The following FOXP1 variants were observed in gnomAD, a reference collection of about 807,000 sequenced individuals.
The protein encoded by FOXP1 is forkhead box P1, also known as forkhead box protein P1.
A neutral mutation model predicts 98.2 loss-of-function variants in FOXP1; 15 were observed. That is an observed-to-expected ratio of 0.15 (90% CI 0.10 to 0.24). The LOEUF (loss-of-function observed/expected upper bound fraction) is 0.24, where lower values mean the gene tolerates loss of function less well. Ranked by LOEUF, FOXP1 falls within the 10% of genes least tolerant of loss-of-function variation. FOXP1 has a pLI of 1.00. For missense variants in FOXP1, 633 were observed against 848.5 expected (o/e 0.75, Z 3.15); for synonymous variants, 371 against 314.5 (o/e 1.18, Z -1.90).
At chr3:71,553,959 G>A (rs1367319416) in intron 2 of FOXP1, among the ~76,000 whole-genome samples, 1 of 152,066 alleles carries the variant, frequency 6.6e-6, no homozygotes, top group Non-Finnish European at 1.5e-5. Context: ...TAAAATATAT[G>A]GTCACTATAA....
At chr3:71,229,439 G>A (rs778401180) in intron 5 of FOXP1, among the ~76,000 whole-genome samples, 54 of 152,102 alleles carry the variant, frequency 3.6e-4, no homozygotes, top group Non-Finnish European at 5.9e-4. Context: ...AGGAAAAAAA[G>A]GTAAAAATTC....
At chr3:71,101,932 C>T (rs1029771348) in intron 7 of FOXP1, among the ~76,000 whole-genome samples, 1 of 152,242 alleles carries the variant, frequency 6.6e-6, no homozygotes, top group African/African-American at 2.4e-5. Flanking sequence ...CTTTGCCCAA[C>T]TGTGTCCAGC....
chr3:71,101,594 T>A (rs1018408455), intron 7 of FOXP1, among the ~76,000 whole-genome samples: 26 of 150,870 alleles, frequency 1.7e-4, no homozygotes, highest in African/African-American at 5.9e-4. Context: ...GCCACTAAAT[T>A]TAGTGACAAT....
At chr3:71,146,149 T>C (rs745764939) in intron 6 of FOXP1, among the ~76,000 whole-genome samples, 1 of 152,158 alleles carries the variant, frequency 6.6e-6, no homozygotes, top group Non-Finnish European at 1.5e-5. Context: ...GGAGAAGCAG[T>C]CCCTTCAGGG....
At chr3:71,459,391 G>A (rs1169025758) in intron 3 of FOXP1, among the ~76,000 whole-genome samples, 2 of 152,186 alleles carry the variant, frequency 1.3e-5, no homozygotes, top group African/African-American at 2.4e-5. Flanking sequence ...TGAGACCCAA[G>A]AAGGGGATAC....
intron 2 of FOXP1, among the ~76,000 whole-genome samples, chr3:71,564,349 G>A (rs570267096): frequency 3.9e-5 from 6 of 152,160 alleles, no homozygotes; most frequent in Non-Finnish European, 8.8e-5. Flanking sequence ...CATATATAAA[G>A]CTCCTGTATT....
intron 6 of FOXP1, among the ~76,000 whole-genome samples, chr3:71,149,659 C>T (rs1358884770): frequency 6.6e-6 from 1 of 152,072 alleles, no homozygotes; most frequent in Non-Finnish European, 1.5e-5. Flanking sequence ...GAAGGTATAG[C>T]CGATAAATAC....
chr3:71,309,812 A>ATGGACATATC (rs1338588021), intron 4 of FOXP1, among the ~76,000 whole-genome samples: 1 of 152,086 alleles, frequency 6.6e-6, no homozygotes, highest in African/African-American at 2.4e-5. Flanking sequence ...CATGATAAAA[A>ATGGACATATC]TGTTCTCACA....
At chr3:71,512,793 G>A (rs2042293852) in intron 2 of FOXP1, among the ~76,000 whole-genome samples, 1 of 152,198 alleles carries the variant, frequency 6.6e-6, no homozygotes, top group Non-Finnish European at 1.5e-5. Flanking sequence ...CCCACACACA[G>A]TAATGAGGGA....
At position 71,357,647 on chromosome 3, in the gene FOXP1, T is replaced by C. The variant is rs188733796; in HGVS notation, c.-73+1503A>G. 1.2e-3 allele frequency among the ~76,000 whole-genome samples: 185 copies of C among 152,282 alleles called. 2 individuals are homozygous for C. The highest frequency in any genetic ancestry group is 0.011 in the Admixed American group (172 of 15,298). On this transcript the variant is annotated intron_variant, in intron 4 of 20. Coordinates refer to ENST00000649528, the MANE Select transcript of FOXP1 (RefSeq NM_001349338.3). ...GCTAATAGGATGTAAGCAGGCATCA[T>C]TGGATAAGGCTACAGGGAAAGTGCT... is the stretch of plus-strand genomic sequence containing the variant.
intron 7 of FOXP1, among the ~76,000 whole-genome samples, chr3:71,090,166 C>G (rs952446253): frequency 5.3e-5 from 8 of 152,200 alleles, no homozygotes; most frequent in African/African-American, 1.9e-4. Context: ...GGAATCAATT[C>G]CTTACTTTCT....
chr3:71,276,303 G>T (rs766897269), intron 5 of FOXP1: 5 of 152,116 alleles, frequency 3.3e-5, no homozygotes, highest in Admixed American at 6.5e-5. Flanking sequence ...GGTTCAAAAG[G>T]TAGTCTGTGA....
chr3:71,358,304 C>CGTCT (rs1421989484), intron 4 of FOXP1, among the ~76,000 whole-genome samples: 4 of 152,162 alleles, frequency 2.6e-5, no homozygotes, highest in Non-Finnish European at 5.9e-5. Flanking sequence ...AAAAGAAAGA[C>CGTCT]ATTTCAACAG....
chr3:71,451,499 G>A (rs897274370), intron 3 of FOXP1, among the ~76,000 whole-genome samples: 1 of 151,982 alleles, frequency 6.6e-6, no homozygotes, highest in Admixed American at 6.6e-5. Flanking sequence ...AAGAATTTTC[G>A]TATGTGTTTT....
intron 12 of FOXP1, among the ~76,000 whole-genome samples, chr3:71,010,462 TATGTG>T (rs1374694339): frequency 1.3e-5 from 2 of 152,166 alleles, no homozygotes; most frequent in African/African-American, 4.8e-5. Context: ...TGAGTTAATA[TATGTG>T]AAGCATTTCG....
At chr3:71,548,435 T>C (rs1225454944) in intron 2 of FOXP1, among the ~76,000 whole-genome samples, 1 of 152,188 alleles carries the variant, frequency 6.6e-6, no homozygotes, top group Non-Finnish European at 1.5e-5. Flanking sequence ...AGACAGGGTC[T>C]TGTACCGTCA....
At chr3:71,531,130 G>A (rs115784373) in intron 2 of FOXP1, among the ~76,000 whole-genome samples, 431 of 152,332 alleles carry the variant, frequency 2.8e-3, no homozygotes, top group African/African-American at 9.8e-3. Flanking sequence ...CACCTCTGAG[G>A]AGGGACGCAC....
intron 11 of FOXP1, among the ~76,000 whole-genome samples, chr3:71,020,057 T>C (rs1321395072): frequency 6.6e-6 from 1 of 152,198 alleles, no homozygotes; most frequent in African/African-American, 2.4e-5. Context: ...TATGACACTT[T>C]CTATTATTTA....
intron 5 of FOXP1, among the ~76,000 whole-genome samples, chr3:71,268,268 C>T (rs1000465871): frequency 6.6e-6 from 1 of 151,558 alleles, no homozygotes; most frequent in African/African-American, 2.4e-5. Flanking sequence ...TTTATTTCAG[C>T]TTCTAAATTG....
Sources: gnomAD v4.1 joint callset for allele counts (sites outside exome capture counted in the v4.1 genomes callset) on GRCh38, gnomAD v4.1.1 for gene constraint, MANE v1.5 for transcripts, NCBI Gene and HGNC (gene_info 2026-07-23, HGNC 2026-07-21) for gene names.